MND1: variants seen among roughly 807,000 people sequenced by gnomAD.
MND1 encodes the protein meiotic nuclear divisions 1.
Under a neutral mutation model 35.1 loss-of-function variants are expected in MND1, and 28 were observed. The observed-to-expected ratio is 0.80, with a 90% CI of 0.59 to 1.09. MND1 has a LOEUF of 1.09. Ranked by LOEUF, MND1 falls within the 50% of genes least tolerant of loss-of-function variation. MND1 has a pLI of 0.00. For synonymous variants in MND1, 69 were observed against 70.5 expected (o/e 0.98, Z 0.11); for missense variants, 213 against 239.6 (o/e 0.89, Z 0.73).
chr4:153,369,428 TA>T (rs1175755183), intron 4 of MND1, among the ~76,000 whole-genome samples: 1 of 152,192 alleles, frequency 6.6e-6, no homozygotes, highest in African/African-American at 2.4e-5. Context: ...TTCAGTTCCA[TA>T]CCACCACAAT....
At chr4:153,402,691 G>GAA (rs1330334845) in intron 6 of MND1, among the ~76,000 whole-genome samples, 1 of 152,118 alleles carries the variant, frequency 6.6e-6, no homozygotes, top group East Asian at 1.9e-4. Flanking sequence ...TTCCCTGGAG[G>GAA]ACACCAATAG....
chr4:153,397,724 G>A (rs1729238222), intron 6 of MND1, among the ~76,000 whole-genome samples: 1 of 152,084 alleles, frequency 6.6e-6, no homozygotes, highest in African/African-American at 2.4e-5. Flanking sequence ...GGAGGCTGGG[G>A]TGGGAGAATC....
At chr4:153,364,241 T>C (rs901385290) in intron 4 of MND1, among the ~76,000 whole-genome samples, 1 of 151,512 alleles carries the variant, frequency 6.6e-6, no homozygotes, top group Non-Finnish European at 1.5e-5. Context: ...GATTCAACAA[T>C]TCTGTGGTGT....
At chr4:153,346,087 T>G (rs1272215082) in intron 1 of MND1, among the ~76,000 whole-genome samples, 1 of 152,246 alleles carries the variant, frequency 6.6e-6, no homozygotes, top group Non-Finnish European at 1.5e-5. Flanking sequence ...TCCTATTTTT[T>G]AATATGTGAT....
At chr4:153,363,606 A>G (rs953655789) in intron 4 of MND1, among the ~76,000 whole-genome samples, 21 of 152,210 alleles carry the variant, frequency 1.4e-4, no homozygotes, top group Non-Finnish European at 2.5e-4. Flanking sequence ...ATGCCCTCAG[A>G]GAGCTTTCAG....
At chr4:153,373,137 C>T (rs1398801492) in intron 4 of MND1, among the ~76,000 whole-genome samples, 1 of 151,122 alleles carries the variant, frequency 6.6e-6, no homozygotes, top group East Asian at 1.9e-4. Flanking sequence ...TTTGTATAAT[C>T]TGACAATTTC....
intron 4 of MND1, among the ~76,000 whole-genome samples, chr4:153,391,347 G>C (rs1262322823): frequency 6.6e-6 from 1 of 151,926 alleles, no homozygotes; most frequent in African/African-American, 2.4e-5. Flanking sequence ...ATTTTTAGTA[G>C]AGACAGGGTT....
At chr4:153,373,234 G>T (rs545139325) in intron 4 of MND1, among the ~76,000 whole-genome samples, 7 of 152,132 alleles carry the variant, frequency 4.6e-5, no homozygotes, top group Non-Finnish European at 1.0e-4. Context: ...ATCTCAACTA[G>T]TCTCAAAGTT....
intron 7 of MND1, among the ~76,000 whole-genome samples, chr4:153,412,990 A>T (rs1729730834): frequency 6.6e-6 from 1 of 152,034 alleles, no homozygotes; most frequent in African/African-American, 2.4e-5. Flanking sequence ...TATTGTTAGT[A>T]GAGACAGGAT....
chr4:153,409,948 G>A lies in MND1; in HGVS notation c.511+933G>A, dbSNP rs188093807. ...TACGAATCCAAGGTGATTTCCCCCAGTATTTTCAACAAAGAGGCTCAGCAC... is the reference window on the plus strand; with the variant it reads ...TACGAATCCAAGGTGATTTCCCCCAATATTTTCAACAAAGAGGCTCAGCAC... On this transcript the variant is annotated intron_variant, in intron 7 of 7. Transcript: ENST00000240488. Among the ~76,000 whole-genome samples, 244 of 152,274 alleles carry A rather than the reference G, an allele frequency of 1.6e-3. 1 individual carries two copies. In the Middle Eastern group the frequency reaches 0.024, roughly 15 times the overall value.
At chr4:153,353,534 T>C (rs1022502508) in intron 2 of MND1, among the ~76,000 whole-genome samples, 2 of 150,340 alleles carry the variant, frequency 1.3e-5, no homozygotes, top group Non-Finnish European at 3.0e-5. Context: ...GTAGCACGCC[T>C]TTTTCAGGCA....
intron 6 of MND1, among the ~76,000 whole-genome samples, chr4:153,404,013 A>G (rs1729415139): frequency 6.6e-6 from 1 of 151,578 alleles, no homozygotes; most frequent in Non-Finnish European, 1.5e-5. Flanking sequence ...AAAGATTGCA[A>G]GACATACAAA....
intron 4 of MND1, among the ~76,000 whole-genome samples, chr4:153,378,896 G>A (rs975682850): frequency 6.6e-6 from 1 of 152,170 alleles, no homozygotes; most frequent in Non-Finnish European, 1.5e-5. Context: ...CTTAGTGCAT[G>A]TATAAGTGTC....
chr4:153,409,783 G>A (rs1323838855), intron 7 of MND1, among the ~76,000 whole-genome samples: 1 of 151,444 alleles, frequency 6.6e-6, no homozygotes, highest in African/African-American at 2.4e-5. Context: ...TTCTGAAATT[G>A]CAGTTTTATT....
intron 4 of MND1, among the ~76,000 whole-genome samples, chr4:153,383,927 C>G (rs1728777788): frequency 6.6e-6 from 1 of 152,194 alleles, no homozygotes; most frequent in East Asian, 1.9e-4. Flanking sequence ...ACTTAGCCCT[C>G]ATCTCTGAAT....
At chr4:153,395,902 T>C (rs1729186043) in intron 5 of MND1, among the ~76,000 whole-genome samples, 1 of 152,146 alleles carries the variant, frequency 6.6e-6, no homozygotes, top group Non-Finnish European at 1.5e-5. Context: ...TTTTGGTTTG[T>C]TTTTTAGAGA....
intron 4 of MND1, chr4:153,361,755 A>ACT: frequency 6.1e-6 from 2 of 329,688 alleles, no homozygotes; most frequent in Non-Finnish European, 1.2e-5. Flanking sequence ...GGAGAATGGC[A>ACT]TGAACCCGGG....
rs567868452 is a variant in MND1 at position 153,350,951 on chromosome 4, T to TAAAAA, written c.69+836_69+840dup. On this transcript the variant is annotated intron_variant, in intron 2 of 7. Coordinates refer to ENST00000240488, the MANE Select transcript of MND1 (RefSeq NM_032117.4). The stretch of plus-strand genomic sequence containing the variant: ...TTTTCACTTTAAGGCAGATTCTTAG[T>TAAAAA]AAAAAAAAAAAAAAAAAACAAACAA... 1.8e-3 allele frequency among the ~76,000 whole-genome samples: 227 copies of TAAAAA among 123,462 alleles called. 1 individual carries two copies. Among genetic ancestry groups the TAAAAA allele is most frequent in the Middle Eastern group, 4.3e-3 (1 of 234 alleles). 81.0% of individuals were successfully genotyped at this position (123,462 alleles called of 152,430 possible).
intron 1 of MND1, among the ~76,000 whole-genome samples, chr4:153,345,939 G>A (rs1394198900): frequency 6.6e-6 from 1 of 150,550 alleles, no homozygotes; most frequent in East Asian, 2.0e-4. Context: ...CAGCTCAAAC[G>A]CGCGTTGTCC....
Sources: allele counts gnomAD v4.1 joint callset (sites outside exome capture counted in the v4.1 genomes callset), GRCh38; gene constraint gnomAD v4.1.1; transcripts MANE v1.5; gene names NCBI Gene and HGNC (gene_info 2026-07-23, HGNC 2026-07-21).